Variants in USP37 observed in about 807,000 individuals in gnomAD.
USP37 encodes ubiquitin carboxyl-terminal hydrolase 37.
A neutral mutation model predicts 124.0 loss-of-function variants in USP37; 27 were observed. The ratio of observed to expected loss-of-function variants is 0.22; its 90% CI spans 0.16 to 0.30. USP37 has a LOEUF of 0.30. Among genes scored for constraint, USP37 ranks in the 10% least tolerant of loss-of-function variants. The pLI, the probability that USP37 is intolerant of heterozygous loss-of-function variation, is 1.00. For missense variants in USP37, 889 were observed against 1,140.4 expected (o/e 0.78, Z 3.17); for synonymous variants, 365 against 388.0 (o/e 0.94, Z 0.70).
chr2:218,485,045 A>C (rs1180582893), intron 16 of USP37, among the ~76,000 whole-genome samples: 1 of 152,164 alleles, frequency 6.6e-6, no homozygotes, highest in African/African-American at 2.4e-5. Flanking sequence ...AACTGCAAAA[A>C]ATTACTCCCT....
At chr2:218,556,274 A>T (rs1283738118) in intron 4 of USP37, among the ~76,000 whole-genome samples, 1 of 152,134 alleles carries the variant, frequency 6.6e-6, no homozygotes, top group Non-Finnish European at 1.5e-5. Context: ...TACATACAGA[A>T]ATCACTTCCA....
intron 20 of USP37, among the ~76,000 whole-genome samples, chr2:218,470,031 A>G (rs182217586): frequency 0.013 from 1,945 of 152,074 alleles, 48 homozygotes; most frequent in African/African-American, 0.045. Flanking sequence ...CATGTTAGCC[A>G]GGATGGTCTC....
intron 14 of USP37, among the ~76,000 whole-genome samples, chr2:218,491,928 G>C (rs1688804881): frequency 6.6e-6 from 1 of 152,146 alleles, no homozygotes; most frequent in Admixed American, 6.6e-5. Flanking sequence ...GGCCAGGTGT[G>C]GGGGCTAGTG....
rs751661936 is a variant in USP37 at position 218,476,831 on chromosome 2, ATTAC to A, written c.2043+5_2043+8del. The stretch of plus-strand genomic sequence containing the variant: ...TCTTTGTCAGATGTTTTAAGAAAAT[ATTAC>A]TTACTTTTTCCAGGTCTTCCTGCTG... On this transcript the variant is annotated splice_donor_5th_base_variant and intron_variant, in intron 19 of 25. Coordinates refer to ENST00000258399, the MANE Select transcript of USP37 (RefSeq NM_020935.3). The A allele has an allele frequency of 6.3e-5, 100 of 1,591,284 alleles. No homozygotes were observed. Among genetic ancestry groups the A allele is most frequent in the Non-Finnish European group, 8.4e-5 (99 of 1,173,710 alleles).
intron 15 of USP37, among the ~76,000 whole-genome samples, chr2:218,487,299 G>T (rs183113163): frequency 1.6e-3 from 241 of 152,256 alleles, no homozygotes; most frequent in Non-Finnish European, 2.4e-3. Flanking sequence ...AAAGAGCAAA[G>T]AATATTTTCT....
intron 4 of USP37, among the ~76,000 whole-genome samples, chr2:218,558,188 G>GTCAT (rs1693128267): frequency 6.6e-6 from 1 of 151,996 alleles, no homozygotes; most frequent in South Asian, 2.1e-4. Flanking sequence ...GGGAAAAAAA[G>GTCAT]GAAGAACTAA....
intron 16 of USP37, among the ~76,000 whole-genome samples, chr2:218,484,150 C>T (rs1691414415): frequency 6.6e-6 from 1 of 151,886 alleles, no homozygotes; most frequent in Admixed American, 6.6e-5. Context: ...CAGAACGAGA[C>T]TCTGTTTGAA....
intron 20 of USP37, among the ~76,000 whole-genome samples, chr2:218,468,027 A>G (rs751188067): frequency 1.5e-4 from 22 of 143,606 alleles, no homozygotes; most frequent in Non-Finnish European, 2.7e-4. Flanking sequence ...AGCTGGGATT[A>G]CAGGTGTTCA....
chr2:218,458,697 G>T (rs1228821754), intron 23 of USP37, among the ~76,000 whole-genome samples: 1 of 152,118 alleles, frequency 6.6e-6, no homozygotes, highest in Non-Finnish European at 1.5e-5. Flanking sequence ...TTAGCTAAAA[G>T]TTAAATAAGT....
intron 16 of USP37, among the ~76,000 whole-genome samples, chr2:218,483,652 T>A (rs1455730634): frequency 2.6e-5 from 4 of 151,242 alleles, no homozygotes; most frequent in African/African-American, 9.7e-5. Flanking sequence ...CCCTTAGCAT[T>A]TTTTTCCCCC....
At chr2:218,524,110 C>A (rs1690817492) in intron 10 of USP37, among the ~76,000 whole-genome samples, 1 of 152,094 alleles carries the variant, frequency 6.6e-6, no homozygotes. Context: ...TGGGATATAC[C>A]CTACTCAGTC....
intron 10 of USP37, among the ~76,000 whole-genome samples, chr2:218,515,189 A>G (rs985336810): frequency 6.6e-6 from 1 of 152,098 alleles, no homozygotes; most frequent in Non-Finnish European, 1.5e-5. Flanking sequence ...AGAAAAAACT[A>G]CTTTAAATTT....
intron 10 of USP37, among the ~76,000 whole-genome samples, chr2:218,516,119 G>A (rs951441883): frequency 6.6e-6 from 1 of 152,178 alleles, no homozygotes; most frequent in African/African-American, 2.4e-5. Flanking sequence ...CATTGTGGAA[G>A]ACAGCATGGC....
intron 4 of USP37, among the ~76,000 whole-genome samples, chr2:218,556,267 A>T (rs899650333): frequency 1.3e-5 from 2 of 152,126 alleles, no homozygotes; most frequent in Admixed American, 6.6e-5. Flanking sequence ...ATTTGTCTAC[A>T]TACAGAAATC....
intron 10 of USP37, among the ~76,000 whole-genome samples, chr2:218,521,953 C>T (rs922539606): frequency 6.6e-6 from 1 of 151,958 alleles, no homozygotes; most frequent in Admixed American, 6.6e-5. Flanking sequence ...CAGCACACTG[C>T]AGCCTCGACC....
intron 10 of USP37, among the ~76,000 whole-genome samples, chr2:218,522,420 A>C (rs1670369119): frequency 6.6e-6 from 1 of 150,624 alleles, no homozygotes. Context: ...TTAATTAGCC[A>C]AGCACGGTGG....
chr2:218,525,664 T>A lies in USP37; in HGVS notation c.863+4292A>T, dbSNP rs7562464. Reference sequence around the variant, plus strand: ...TATAGAGGATGTATTTTCTTTCGGGTAGCTTCTAAAATTTTACAATATAAA... The same window carrying A: ...TATAGAGGATGTATTTTCTTTCGGGAAGCTTCTAAAATTTTACAATATAAA... On this transcript the variant is annotated intron_variant, in intron 10 of 25. Transcript: ENST00000258399. Among the ~76,000 whole-genome samples, 832 of 152,302 alleles carry A rather than the reference T, an allele frequency of 5.5e-3. 9 individuals carry two copies. The highest frequency in any genetic ancestry group is 0.019 in the African/African-American group (803 of 41,562).
At chr2:218,477,246 A>G (rs929392478) in intron 18 of USP37, among the ~76,000 whole-genome samples, 5 of 152,198 alleles carry the variant, frequency 3.3e-5, no homozygotes, top group Non-Finnish European at 2.9e-5. Context: ...ATCAACCCCA[A>G]TGAAATTTGC....
In USP37 at chr2:218,454,808, C is replaced by T; in HGVS notation, c.*122G>A. The T allele has an allele frequency of 6.6e-7, 1 of 1,508,988 alleles. No individual in the cohort carries two copies. Among genetic ancestry groups the T allele is most frequent in the Non-Finnish European group, 8.8e-7 (1 of 1,135,482 alleles). The allele number at this position is 1,508,988 out of a possible 1,614,324, so 93.5% of individuals were successfully genotyped here. A position where few individuals can be genotyped will look rare whatever the true frequency, so the allele number is the denominator to read the frequency against. ...CTCCAATTTTTGTCTTTTGGTTTGG[C>T]CCTGAGCTGTTTGTTGCTCCCGCAT... On this transcript the variant is annotated 3_prime_UTR_variant, in exon 26 of 26. Coordinates refer to ENST00000258399, the MANE Select transcript of USP37 (RefSeq NM_020935.3).
Sources: gnomAD v4.1 joint callset for allele counts (sites outside exome capture counted in the v4.1 genomes callset) on GRCh38, gnomAD v4.1.1 for gene constraint, MANE v1.5 for transcripts, NCBI Gene and HGNC (gene_info 2026-07-23, HGNC 2026-07-21) for gene names.